Variants in MED12L observed in about 807,000 individuals in gnomAD.
MED12L encodes the protein mediator complex subunit 12L.
MED12L carries 60 observed loss-of-function variants against 281.3 expected under a neutral mutation model. The observed-to-expected ratio is 0.21, with a 90% CI of 0.17 to 0.26. MED12L has a LOEUF of 0.26. MED12L is among the 10% of genes least tolerant of loss of function. The probability of loss-of-function intolerance (pLI) is 1.00; values close to 1 mark genes in which losing one functional copy is unlikely to be tolerated. For synonymous variants in MED12L, 974 were observed against 987.2 expected (o/e 0.99, Z 0.25); for missense variants, 2,146 against 2,680.9 (o/e 0.80, Z 4.41).
intron 43 of MED12L, among the ~76,000 whole-genome samples, chr3:151,422,146 C>T (rs1426421607): frequency 6.6e-6 from 1 of 152,138 alleles, no homozygotes; most frequent in Non-Finnish European, 1.5e-5. Flanking sequence ...TCACTTCCTG[C>T]CACTAGAGGA....
chr3:151,141,901 C>T (rs370044068), intron 5 of MED12L, among the ~76,000 whole-genome samples: 6 of 152,246 alleles, frequency 3.9e-5, no homozygotes, highest in African/African-American at 1.4e-4. Flanking sequence ...CTAGTCAGTC[C>T]TAGTAAATGT....
At chr3:151,294,885 A>T (rs776376091) in intron 16 of MED12L, 1 of 1,614,108 alleles carries the variant, frequency 6.2e-7, no homozygotes, top group Non-Finnish European at 8.5e-7. Context: ...TTTGCATAAA[A>T]CAAAACTGAA....
At chr3:151,226,910 G>T (rs1415964735) in intron 16 of MED12L, among the ~76,000 whole-genome samples, 1 of 152,172 alleles carries the variant, frequency 6.6e-6, no homozygotes, top group Non-Finnish European at 1.5e-5. Context: ...ACCTATAAAT[G>T]GTGGAAACTC....
chr3:151,259,202 C>T (rs1457440175), intron 16 of MED12L, among the ~76,000 whole-genome samples: 4 of 152,312 alleles, frequency 2.6e-5, no homozygotes, highest in South Asian at 2.1e-4. Flanking sequence ...TGTAGGATTA[C>T]GGCCACACAA....
chr3:151,351,433 A>G (rs190702123), intron 17 of MED12L, among the ~76,000 whole-genome samples: 4 of 152,258 alleles, frequency 2.6e-5, no homozygotes, highest in African/African-American at 9.6e-5. Context: ...GCTTTGAAAT[A>G]CCTCAGCTCT....
At chr3:151,295,055 A>G in intron 16 of MED12L, 1 of 1,613,960 alleles carries the variant, frequency 6.2e-7, no homozygotes, top group East Asian at 2.2e-5. Flanking sequence ...GAAGATCCAC[A>G]CTGCTAAACC....
At chr3:151,355,278 TC>T (rs1182778234) in intron 18 of MED12L, 39 bp downstream of exon 18, 1 of 1,424,726 alleles carries the variant, frequency 7.0e-7, no homozygotes, top group South Asian at 1.2e-5. Flanking sequence ...TTTGCAGTAT[TC>T]TAATTTACTT....
Position 151,382,647 on chromosome 3 carries a change from G to C in MED12L, c.4591-9G>C, listed in dbSNP as rs752320062. On this transcript the variant is annotated splice_polypyrimidine_tract_variant and intron_variant, in intron 32 of 44. Transcript: ENST00000687756. ...AAACTTTAATGGGGAGTTTTTTTCC[G>C]GATCTTAGATTTTAAGTAACTGGAG... 4.4e-6 allele frequency: 7 copies of C among 1,595,268 alleles called. No homozygotes were observed. The highest frequency in any genetic ancestry group is 1.7e-4 in the Middle Eastern group (1 of 5,984).
intron 16 of MED12L, among the ~76,000 whole-genome samples, chr3:151,276,492 T>G (rs1246499164): frequency 6.6e-6 from 1 of 152,218 alleles, no homozygotes; most frequent in Non-Finnish European, 1.5e-5. Context: ...TGGACTGGTC[T>G]GTTTTTGGTA....
intron 5 of MED12L, among the ~76,000 whole-genome samples, chr3:151,151,920 A>G (rs1175958736): frequency 1.3e-5 from 2 of 152,128 alleles, no homozygotes; most frequent in Non-Finnish European, 2.9e-5. Flanking sequence ...CAATAAAATG[A>G]AGTATGCCTG....
intron 16 of MED12L, chr3:151,199,330 A>T: frequency 6.2e-7 from 1 of 1,613,598 alleles, no homozygotes; most frequent in Non-Finnish European, 8.5e-7. Context: ...AATAAAAAAA[A>T]TACGTGAATG....
intron 27 of MED12L, among the ~76,000 whole-genome samples, chr3:151,373,689 TATTTTC>T (rs1756466003): frequency 6.6e-6 from 1 of 152,196 alleles, no homozygotes; most frequent in Non-Finnish European, 1.5e-5. Flanking sequence ...TGTACTTAGT[TATTTTC>T]ATGTTCAGAC....
chr3:151,328,766 G>A, intron 16 of MED12L: 1 of 1,613,998 alleles, frequency 6.2e-7, no homozygotes, highest in South Asian at 1.1e-5. Context: ...GATTTTGAAA[G>A]GAAGCATGAG....
chr3:151,324,978 T>C (rs1749420081), intron 16 of MED12L, among the ~76,000 whole-genome samples: 1 of 152,258 alleles, frequency 6.6e-6, no homozygotes, highest in Admixed American at 6.5e-5. Context: ...TGTTAATATC[T>C]GTGTGAACTT....
At chr3:151,419,596 A>C (rs146758503) in intron 43 of MED12L, among the ~76,000 whole-genome samples, 1 of 152,262 alleles carries the variant, frequency 6.6e-6, no homozygotes, top group African/African-American at 2.4e-5. Flanking sequence ...GCATCTTTCA[A>C]TCTAATCAAG....
chr3:151,244,483 A>G (rs1026931738), intron 16 of MED12L, among the ~76,000 whole-genome samples: 6 of 147,380 alleles, frequency 4.1e-5, no homozygotes. Context: ...CCACTCAACT[A>G]CATGGAAACT....
intron 16 of MED12L, chr3:151,337,954 A>G (rs1751241674): frequency 6.2e-7 from 1 of 1,614,058 alleles, no homozygotes; most frequent in Non-Finnish European, 8.5e-7. Flanking sequence ...AGGAAAAAAT[A>G]GATGAACGGA....
intron 5 of MED12L, among the ~76,000 whole-genome samples, chr3:151,130,659 G>C (rs1715248147): frequency 6.6e-6 from 1 of 152,198 alleles, no homozygotes; most frequent in Non-Finnish European, 1.5e-5. Flanking sequence ...CTGCTGACCT[G>C]TGGGCGCGGC....
intron 42 of MED12L, 71 bp downstream of exon 42, chr3:151,413,366 A>G (rs946668635): frequency 1.3e-5 from 20 of 1,515,512 alleles, no homozygotes; most frequent in South Asian, 1.3e-5. Flanking sequence ...GTCATAAAAA[A>G]TGAAAAACAC....
Sources: allele counts gnomAD v4.1 joint callset (sites outside exome capture counted in the v4.1 genomes callset), GRCh38; gene constraint gnomAD v4.1.1; transcripts MANE v1.5; gene names NCBI Gene and HGNC (gene_info 2026-07-23, HGNC 2026-07-21).